The following PDXDC1 variants were observed in gnomAD, a reference collection of about 807,000 sequenced individuals.
PDXDC1 encodes the protein pyridoxal dependent decarboxylase domain containing 1.
In PDXDC1, 42 loss-of-function variants were observed where a neutral mutation model predicts 100.1. The ratio of observed to expected loss-of-function variants is 0.42; its 90% CI spans 0.33 to 0.54. PDXDC1 has a LOEUF of 0.54. Among genes scored for constraint, PDXDC1 ranks in the 20% least tolerant of loss-of-function variants. The pLI is 0.10. For missense variants in PDXDC1, 636 were observed against 979.2 expected, an observed-to-expected ratio of 0.65 and a Z score of 4.68; for synonymous variants, 260 against 371.7, an observed-to-expected ratio of 0.70 and a Z score of 3.46.
At chr16:15,047,494 G>A in intron 16 of PDXDC1, 1 of 1,614,020 alleles carries the variant, frequency 6.2e-7, no homozygotes, top group Non-Finnish European at 8.5e-7. Flanking sequence ...ATGATCAAGG[G>A]GACCTCAGCT....
chr16:15,129,267 G>A (rs982213311), intron 16 of PDXDC1, among the ~76,000 whole-genome samples: 9 of 150,740 alleles, frequency 6.0e-5, no homozygotes, highest in African/African-American at 1.9e-4. Context: ...TCAGGAGTTC[G>A]CCTGGCTGAC....
At chr16:15,146,535 T>C in the PDXDC1 span, among the ~76,000 whole-genome samples, 1 of 151,286 alleles carries the variant, frequency 6.6e-6, no homozygotes, top group Non-Finnish European at 1.5e-5. Flanking sequence ...CACCCAGAGG[T>C]AGGCACAAGC....
intron 1 of PDXDC1, among the ~76,000 whole-genome samples, chr16:14,981,825 CTT>C (rs1340271050): frequency 2.0e-5 from 3 of 147,984 alleles, no homozygotes; most frequent in African/African-American, 7.3e-5. Context: ...TTGTCCTTTT[CTT>C]TTGTTTCTTT....
chr16:15,083,137 G>A (rs2045772079), intron 16 of PDXDC1, among the ~76,000 whole-genome samples: 1 of 152,158 alleles, frequency 6.6e-6, no homozygotes, highest in Non-Finnish European at 1.5e-5. Flanking sequence ...TGGGCACAGT[G>A]GTTCACTAAT....
chr16:14,986,613 TAACTG>T (rs1242620925), intron 1 of PDXDC1, among the ~76,000 whole-genome samples: 1 of 152,300 alleles, frequency 6.6e-6, no homozygotes, highest in Non-Finnish European at 1.5e-5. Flanking sequence ...ACAACAGAAT[TAACTG>T]TACTTGAAAT....
rs999362448 is a variant in PDXDC1, at chr16:15,037,741, AATAGCTGCCG to A, written c.*1471_*1480del. 3.6e-6 allele frequency: 1 copy of A among 281,026 alleles called. No homozygotes were observed. The allele number at this position is 281,026 out of a possible 1,614,324, so 17.4% of individuals were successfully genotyped here. ...ACAAAAGACTTACCCACGTACCTGA[AATAGCTGCCG>A]ATAGACCAGTGAGAGGTAGGTTCTC... On this transcript the variant is annotated 3_prime_UTR_variant, in exon 23 of 23. Transcript: ENST00000396410.
chr16:15,079,923 A>G (rs2045627123), intron 16 of PDXDC1: 11 of 1,416,170 alleles, frequency 7.8e-6, no homozygotes, highest in Admixed American at 4.9e-5. Context: ...ATCACTGACT[A>G]TTGTTTCCAC....
chr16:15,055,441 G>C (rs542861745), intron 16 of PDXDC1, among the ~76,000 whole-genome samples: 3 of 152,312 alleles, frequency 2.0e-5, no homozygotes, highest in Middle Eastern at 3.4e-3. Flanking sequence ...CAGGCCAAAC[G>C]CTCTCCGAAG....
chr16:15,043,412 C>G (rs2043913367), intron 16 of PDXDC1, among the ~76,000 whole-genome samples: 1 of 152,322 alleles, frequency 6.6e-6, no homozygotes, highest in East Asian at 1.9e-4. Context: ...GGCATGGTGG[C>G]ATGCACCTAG....
downstream of PDXDC1, among the ~76,000 whole-genome samples, chr16:15,141,634 G>A (rs1304603818): frequency 6.6e-6 from 1 of 152,002 alleles, no homozygotes; most frequent in Non-Finnish European, 1.5e-5. Context: ...ACTGAACCCT[G>A]CTTCTCTGCC....
intron 22 of PDXDC1, 100 bp from the exon 23 acceptor site, chr16:15,035,916 G>T: frequency 7.9e-7 from 1 of 1,260,166 alleles, no homozygotes; most frequent in South Asian, 1.4e-5. Context: ...TTCTGCTGAA[G>T]CTGTGTTGTG....
At chr16:15,135,390 C>G in intron 16 of PDXDC1, 1 of 1,503,494 alleles carries the variant, frequency 6.7e-7, no homozygotes, top group Non-Finnish European at 9.0e-7. Flanking sequence ...GTGCTGCTCC[C>G]GCGGGGCCCA....
At chr16:15,143,565 G>A (rs1413095645), downstream of PDXDC1, among the ~76,000 whole-genome samples, 5 of 152,192 alleles carry the variant, frequency 3.3e-5, no homozygotes, top group African/African-American at 1.2e-4. Flanking sequence ...CCTCCCCCTG[G>A]GCTCTGCCCA....
chr16:15,131,140 C>T (rs759041160), intron 16 of PDXDC1: 2 of 1,598,380 alleles, frequency 1.3e-6, no homozygotes, highest in Non-Finnish European at 1.7e-6. Context: ...AGGGTTGCTG[C>T]TGTCCAGGGT....
At chr16:15,055,826 G>T in intron 16 of PDXDC1, 2 of 880,574 alleles carry the variant, frequency 2.3e-6, no homozygotes, top group East Asian at 3.4e-5. Flanking sequence ...CGTGAGGGGG[G>T]CGCTAGCCCG....
intron 5 of PDXDC1, among the ~76,000 whole-genome samples, chr16:15,005,080 C>A (rs188732353): frequency 6.6e-6 from 1 of 152,374 alleles, no homozygotes; most frequent in East Asian, 1.9e-4. Flanking sequence ...ACTCTGAGGC[C>A]AGGCACGGTG....
intron 16 of PDXDC1, among the ~76,000 whole-genome samples, chr16:15,068,510 G>T (rs918531057): frequency 6.6e-6 from 1 of 152,180 alleles, no homozygotes; most frequent in Non-Finnish European, 1.5e-5. Context: ...AGAAAACTTA[G>T]GAAGTAGCAG....
chr16:15,079,413 T>A (rs939288469), intron 16 of PDXDC1, among the ~76,000 whole-genome samples: 1 of 152,206 alleles, frequency 6.6e-6, no homozygotes, highest in Non-Finnish European at 1.5e-5. Flanking sequence ...TGTGATTCTA[T>A]CAGGTTCTCT....
intron 1 of PDXDC1, among the ~76,000 whole-genome samples, chr16:14,983,903 C>A (rs1366601988): frequency 6.6e-6 from 1 of 152,242 alleles, no homozygotes; most frequent in Non-Finnish European, 1.5e-5. Context: ...TGGCTCACAC[C>A]TGTAATTTCA....
Sources: allele counts gnomAD v4.1 joint callset (sites outside exome capture counted in the v4.1 genomes callset), GRCh38; gene constraint gnomAD v4.1.1; transcripts MANE v1.5; gene names NCBI Gene and HGNC (gene_info 2026-07-23, HGNC 2026-07-21).